The following ZNF544 variants were observed in gnomAD, a reference collection of about 807,000 sequenced individuals.
ZNF544 encodes the protein zinc finger protein 544, also known as zinc finger protein AF020591.
ZNF544 carries 10 observed loss-of-function variants against 13.5 expected under a neutral mutation model. That is an observed-to-expected ratio of 0.74 (90% CI 0.46 to 1.25). The LOEUF (loss-of-function observed/expected upper bound fraction) is 1.25, where lower values mean the gene tolerates loss of function less well. Among genes scored for constraint, ZNF544 ranks in the 50% most tolerant of loss-of-function variants. ZNF544 has a pLI of 0.00. For missense variants in ZNF544, 896 were observed against 845.6 expected, an observed-to-expected ratio of 1.06 and a Z score of -0.74; for synonymous variants, 323 against 300.5, an observed-to-expected ratio of 1.07 and a Z score of -0.77.
intron 3 of ZNF544, among the ~76,000 whole-genome samples, chr19:58,239,358 A>G (rs2043083321): frequency 1.4e-5 from 2 of 147,746 alleles, no homozygotes; most frequent in South Asian, 4.3e-4. Context: ...ACTCCCACCA[A>G]ACTCTGGAAA....
At chr19:58,264,828 G>A (rs956491202), downstream of ZNF544, among the ~76,000 whole-genome samples, 1 of 152,090 alleles carries the variant, frequency 6.6e-6, no homozygotes. Context: ...GCAACATGTT[G>A]AGACCCCATC....
Position 58,262,180 on chromosome 19 carries a change from G to A in ZNF544, c.1574G>A (p.Cys525Tyr). ...TGEKPYECNL[C>Y]GKSFSQSSKL... ...GAGAAGCCCTATGAGTGCAACCTGT[G>A]TGGGAAATCCTTCTCCCAGAGTTCC... The change falls in exon 7 of 7, where the codon TGT (cysteine) becomes TAT (tyrosine). Residue 525 changes from cysteine (C) to tyrosine (Y), a missense_variant. By Grantham distance (194) the Cys-to-Tyr change is radical (BLOSUM62 -2). Transcript: ENST00000687789. The A allele has an allele frequency of 6.2e-7, 1 of 1,613,688 alleles. No individual in the cohort carries two copies. Among genetic ancestry groups the A allele is most frequent in the Non-Finnish European group, 8.5e-7 (1 of 1,179,924 alleles).
chr19:58,261,394 CT>C lies in ZNF544; in HGVS notation c.793del (p.Ser265GlnfsTer2), dbSNP rs763033279. On this transcript the variant is annotated frameshift_variant, in exon 7 of 7. Transcript: ENST00000687789. LOFTEE classifies it low-confidence loss of function (END_TRUNC). ...YGSSLCFHGR[T>X]FSVKKSDDCK... Reference sequence around the variant, plus strand: ...TCCTCCCTTTGTTTTCATGGTAGAACTTTTTCAGTGAAGAAAAGTGATGACT... The same window carrying C: ...TCCTCCCTTTGTTTTCATGGTAGAACTTTTCAGTGAAGAAAAGTGATGACT... 2.5e-6 allele frequency: 4 copies of C among 1,614,126 alleles called. No homozygotes were observed. The East Asian group carries it at 8.9e-5, about 36-fold the overall frequency.
chr19:58,270,560 A>G (rs1031729821), intron 5 of ZNF544, among the ~76,000 whole-genome samples: 1 of 152,130 alleles, frequency 6.6e-6, no homozygotes, highest in African/African-American at 2.4e-5. Flanking sequence ...TTGGCATCCC[A>G]AAGTGCTGGG....
intron 5 of ZNF544, among the ~76,000 whole-genome samples, chr19:58,274,273 A>C (rs2051048169): frequency 1.3e-5 from 2 of 152,294 alleles, no homozygotes; most frequent in South Asian, 4.1e-4. Flanking sequence ...ATAGTACCTC[A>C]GACCTTATTT....
At chr19:58,248,195 A>AGCC (rs2045684445) in intron 6 of ZNF544, among the ~76,000 whole-genome samples, 2 of 151,210 alleles carry the variant, frequency 1.3e-5, no homozygotes, top group South Asian at 2.1e-4. Flanking sequence ...TACAGGCGTG[A>AGCC]GCCACTACCC....
downstream of ZNF544, among the ~76,000 whole-genome samples, chr19:58,266,410 G>A (rs1192122081): frequency 4.6e-5 from 7 of 150,720 alleles, no homozygotes; most frequent in South Asian, 4.2e-4. Flanking sequence ...AGCTACGAGG[G>A]AGGCTGAGGC....
chr19:58,251,179 T>G (rs1568481709), intron 6 of ZNF544: 1 of 361,158 alleles, frequency 2.8e-6, no homozygotes, highest in African/African-American at 2.1e-5. Context: ...TCCATTTGTT[T>G]AGAAGAAAGC....
Position 58,261,726 on chromosome 19 carries a change from C to A in ZNF544, c.1120C>A (p.His374Asn). 1 of 1,614,248 alleles carries A rather than the reference C, an allele frequency of 6.2e-7. No homozygotes were observed. Residue 374 changes from histidine to asparagine, a missense_variant, in exon 7 of 7, where the codon CAC (histidine) becomes AAC (asparagine). Physicochemically the swap from His to Asn is moderately conservative, Grantham distance 68. Transcript: ENST00000687789. ...SCCKLIHQRT[H>N]TGEKPFECTQ... ...TTGTAAGCTCATACACCAGAGAACA[C>A]ACACTGGAGAAAAGCCCTTCGAATG...
chr19:58,271,601 C>CA (rs948345512), intron 5 of ZNF544, among the ~76,000 whole-genome samples: 3 of 150,672 alleles, frequency 2.0e-5, no homozygotes, highest in African/African-American at 7.3e-5. Flanking sequence ...GACCCTATCT[C>CA]AAAAAAAAAG....
At chr19:58,270,841 T>C (rs1423973383) in intron 5 of ZNF544, among the ~76,000 whole-genome samples, 11 of 152,144 alleles carry the variant, frequency 7.2e-5, no homozygotes, top group Non-Finnish European at 4.4e-5. Flanking sequence ...AAATTAAAGC[T>C]TGAAATGTAA....
intron 3 of ZNF544, chr19:58,242,417 G>A: frequency 3.0e-6 from 1 of 336,576 alleles, no homozygotes; most frequent in Non-Finnish European, 4.2e-6. Flanking sequence ...AGACTATGGG[G>A]CAAGAAAAAT....
At position 58,232,238 on chromosome 19, in the gene ZNF544, G is replaced by T. The variant is rs2041396878; in HGVS notation, c.-60+1776G>T. On this transcript the variant is annotated intron_variant, in intron 3 of 6. Transcript: ENST00000687789. The stretch of plus-strand genomic sequence containing the variant: ...AGATGATCCAGGCTTTGACAAACAG[G>T]TGGTGGGATGAGCATAGATCCATCA... 4.6e-5 allele frequency among the ~76,000 whole-genome samples: 7 copies of T among 152,060 alleles called. 2 individuals carry two copies. In the South Asian group the frequency reaches 1.4e-3, roughly 31 times the overall value.
chr19:58,248,262 C>CTT (rs1025723819), intron 6 of ZNF544, among the ~76,000 whole-genome samples: 1 of 136,740 alleles, frequency 7.3e-6, no homozygotes, highest in African/African-American at 2.8e-5. Context: ...AGGGTTCATG[C>CTT]TTTTTTTTTT....
At position 58,270,304 on chromosome 19, in the gene ZNF544, C is replaced by CTTTT. The variant is rs202213273; in HGVS notation, c.245-6013_245-6010dup. Among the ~76,000 whole-genome samples, 39 of 136,416 alleles carry CTTTT rather than the reference C, an allele frequency of 2.9e-4. 6 individuals carry two copies. The highest frequency in any genetic ancestry group is 5.3e-4 in the Admixed American group (7 of 13,284). The allele number at this position is 136,416 out of a possible 152,430, so 89.5% of individuals were successfully genotyped here. ...CTGTGACGTGAACCCTAGGTATTGGCTTTTTTTTTCTTTTTTTTTGAGAAG... is the reference window on the plus strand; with the variant it reads ...CTGTGACGTGAACCCTAGGTATTGGCTTTTTTTTTTTTTCTTTTTTTTTGAGAAG... On this transcript the variant is annotated intron_variant, in intron 5 of 6. Coordinates refer to the ZNF544 transcript ENST00000595981.
chr19:58,270,370 T>C (rs2050485347), intron 5 of ZNF544, among the ~76,000 whole-genome samples: 1 of 151,672 alleles, frequency 6.6e-6, no homozygotes, highest in Non-Finnish European at 1.5e-5. Flanking sequence ...GGCGCGATCT[T>C]GGCTCACTGT....
intron 5 of ZNF544, among the ~76,000 whole-genome samples, chr19:58,271,834 GTC>G (rs961198505): frequency 6.6e-6 from 1 of 152,168 alleles, no homozygotes; most frequent in African/African-American, 2.4e-5. Flanking sequence ...TTGATTCGGT[GTC>G]TCTGTATTAG....
Position 58,262,751 on chromosome 19 carries a change from T to G in ZNF544, c.2145T>G (p.Pro715=). Residue 715 remains proline, a synonymous_variant, in exon 7 of 7, where the codon CCT becomes CCG. Coordinates refer to ENST00000687789, the MANE Select transcript of ZNF544 (RefSeq NM_014480.4). ...VHRRTHTGEK[P] ...GGCGGACACATACTGGAGAGAAACC[T>G]TAGGAGTGCAGTCATTGTGGGAAAG... 2 of 1,590,422 alleles carry G rather than the reference T, an allele frequency of 1.3e-6. No homozygotes were observed. Among genetic ancestry groups the G allele is most frequent in the Non-Finnish European group, 1.7e-6 (2 of 1,166,166 alleles).
intron 6 of ZNF544, among the ~76,000 whole-genome samples, chr19:58,248,922 GTAGTGGCCCATAAC>G (rs2045851422): frequency 6.6e-6 from 1 of 152,190 alleles, no homozygotes; most frequent in South Asian, 2.1e-4. Flanking sequence ...TGTAAATGAA[GTAGTGGCCCATAAC>G]TAGTCTGATT....
Sources: allele counts gnomAD v4.1 joint callset (sites outside exome capture counted in the v4.1 genomes callset), GRCh38; gene constraint gnomAD v4.1.1; transcripts MANE v1.5; gene names NCBI Gene and HGNC (gene_info 2026-07-23, HGNC 2026-07-21).